Variants in DNAH12 observed in about 807,000 individuals in gnomAD.
The protein encoded by DNAH12 is axonemal beta dynein heavy chain 12.
DNAH12 carries 285 observed loss-of-function variants against 371.5 expected under a neutral mutation model. That is an observed-to-expected ratio of 0.77 (90% CI 0.70 to 0.85). DNAH12 has a LOEUF of 0.85. Ranked by LOEUF, DNAH12 falls within the 40% of genes least tolerant of loss-of-function variation. The pLI, the probability that DNAH12 is intolerant of heterozygous loss-of-function variation, is 0.00. For missense variants in DNAH12, 3,611 were observed against 3,689.4 expected (o/e 0.98, Z 0.55); for synonymous variants, 1,200 against 1,213.0 (o/e 0.99, Z 0.22).
At position 57,483,486 on chromosome 3, in the gene DNAH12, T is replaced by C; in HGVS notation, c.1540A>G (p.Lys514Glu). 1.3e-6 allele frequency: 2 copies of C among 1,550,842 alleles called. No homozygotes were observed. Among genetic ancestry groups the C allele is most frequent in the South Asian group, 1.2e-5 (1 of 83,874 alleles). ...ECICSEFEAIKEHALKVPETT... is the reference protein window; with the variant it reads ...ECICSEFEAIEEHALKVPETT... ...TCAGGGACTTTTAATGCATGTTCTTTAATTGCTTCAAATTCACTGCAAATA... is the reference window on the plus strand; with the variant it reads ...TCAGGGACTTTTAATGCATGTTCTTCAATTGCTTCAAATTCACTGCAAATA... Residue 514 changes from lysine to glutamate, a missense_variant, in exon 13 of 74, where the codon AAA (lysine) becomes GAA (glutamate). This residue lies in a region of DNAH12 where 1,314 missense variants were observed against 1,398.7 expected (regional missense o/e 0.94). Coordinates refer to ENST00000495027, the MANE Select transcript of DNAH12 (RefSeq NM_001366028.2).
intron 17 of DNAH12, among the ~76,000 whole-genome samples, chr3:57,467,371 C>T (rs1360771156): frequency 1.3e-5 from 2 of 152,212 alleles, no homozygotes; most frequent in African/African-American, 4.8e-5. Context: ...ATCTGCCTGC[C>T]TCAGCCTCCC....
At chr3:57,534,986 T>A (rs566403013) in intron 2 of DNAH12, among the ~76,000 whole-genome samples, 9 of 152,372 alleles carry the variant, frequency 5.9e-5, no homozygotes, top group African/African-American at 1.9e-4. Flanking sequence ...GTTTTAGGCA[T>A]AGGCTTAAGA....
intron 73 of DNAH12, among the ~76,000 whole-genome samples, chr3:57,294,508 G>A (rs1223324893): frequency 6.6e-6 from 1 of 152,138 alleles, no homozygotes; most frequent in Non-Finnish European, 1.5e-5. Flanking sequence ...CATGATTCTA[G>A]GTGTGGAAGA....
chr3:57,397,992 A>G (rs1484119796), intron 43 of DNAH12, among the ~76,000 whole-genome samples: 2 of 152,226 alleles, frequency 1.3e-5, no homozygotes, highest in Non-Finnish European at 2.9e-5. Flanking sequence ...CTAGCAAAAA[A>G]TTTAAAATAA....
rs1231786154 is a variant in DNAH12 at position 57,394,243 on chromosome 3, A to G, written c.7038T>C (p.Asp2346=). 2.6e-5 allele frequency: 4 copies of G among 152,340 alleles called. No homozygotes were observed. The highest frequency in any genetic ancestry group is 9.6e-5 in the African/African-American group (4 of 41,570). The allele number at this position is 152,340 out of a possible 1,614,324, so 9.4% of individuals were successfully genotyped here. ...TQIKEEAFLE[D]IDSVLNTGEV... ...CTCCTGTATTGAGCACACTGTCGATATCCTCTAGGAAAGCTTCCTCTTTAA... is the reference window on the plus strand; with the variant it reads ...CTCCTGTATTGAGCACACTGTCGATGTCCTCTAGGAAAGCTTCCTCTTTAA... Residue 2346 remains aspartate (D), a synonymous_variant, in exon 44 of 74, where the codon GAT becomes GAC. Coordinates refer to ENST00000495027, the MANE Select transcript of DNAH12 (RefSeq NM_001366028.2).
In DNAH12 at chr3:57,345,796, G is replaced by T. The variant is rs1429823530; in HGVS notation, c.9674+6289C>A. Reference sequence around the variant, plus strand: ...GTAACAGATTTGTACATATTTTATGGTAGTAAATGATAAAAATAGACTAGT... The same window carrying T: ...GTAACAGATTTGTACATATTTTATGTTAGTAAATGATAAAAATAGACTAGT... On this transcript the variant is annotated intron_variant, in intron 60 of 73. Coordinates refer to ENST00000495027, the MANE Select transcript of DNAH12 (RefSeq NM_001366028.2). 2.0e-5 allele frequency among the ~76,000 whole-genome samples: 3 copies of T among 152,054 alleles called. No individual in the cohort carries two copies. The East Asian group carries it at 5.8e-4, about 29-fold the overall frequency.
intron 69 of DNAH12, among the ~76,000 whole-genome samples, chr3:57,304,728 G>A (rs537799297): frequency 6.6e-6 from 1 of 152,026 alleles, no homozygotes; most frequent in Non-Finnish European, 1.5e-5. Context: ...AGCAAGTACC[G>A]CTTTTCTGGA....
At chr3:57,444,843 T>A (rs1396892213) in intron 28 of DNAH12, 27 bp from the exon 29 acceptor site, 7 of 1,530,850 alleles carry the variant, frequency 4.6e-6, no homozygotes, top group Non-Finnish European at 6.2e-6. Context: ...AGTACAATGT[T>A]AAGTTAGTTG....
Position 57,435,871 on chromosome 3 carries a change from T to TTG in DNAH12, c.4655+1078_4655+1079dup, listed in dbSNP as rs1328573247. ...GTTGATTGTACTATTCCCTCTATTTTTGTATGTTTAAAAATTTACATAATG... is the reference window on the plus strand; with the variant it reads ...GTTGATTGTACTATTCCCTCTATTTTTGTGTATGTTTAAAAATTTACATAATG... On this transcript the variant is annotated intron_variant, in intron 30 of 73. Coordinates refer to ENST00000495027, the MANE Select transcript of DNAH12 (RefSeq NM_001366028.2). Among the ~76,000 whole-genome samples, 2 of 81,074 alleles carry TTG rather than the reference T, an allele frequency of 2.5e-5. 1 individual carries two copies. Among genetic ancestry groups the TTG allele is most frequent in the Non-Finnish European group, 5.4e-5 (2 of 37,340 alleles). 53.2% of individuals were successfully genotyped at this position (81,074 alleles called of 152,430 possible).
rs528843426 is a variant in DNAH12, at chr3:57,502,206, C to T, written c.1243+117G>A. On this transcript the variant is annotated intron_variant, in intron 10 of 73. Coordinates refer to ENST00000495027, the MANE Select transcript of DNAH12 (RefSeq NM_001366028.2). ...GACTCTGCCAAAAGCTACGCCTATG[C>T]TCACTTCTGGCTCTCCCTGTTCTTT... 29 of 1,373,628 alleles carry T rather than the reference C, an allele frequency of 2.1e-5. No homozygotes were observed. The South Asian group carries it at 3.2e-4, about 15-fold the overall frequency. 85.1% of individuals were successfully genotyped at this position (1,373,628 alleles called of 1,614,324 possible).
intron 42 of DNAH12, among the ~76,000 whole-genome samples, chr3:57,403,979 A>C (rs2063948476): frequency 6.6e-6 from 1 of 152,204 alleles, no homozygotes; most frequent in Admixed American, 6.5e-5. Context: ...GCCAGTCCTA[A>C]GCATCAGCAA....
chr3:57,318,811 T>C (rs562933373), intron 65 of DNAH12, among the ~76,000 whole-genome samples: 1 of 152,054 alleles, frequency 6.6e-6, no homozygotes, highest in Non-Finnish European at 1.5e-5. Flanking sequence ...GGAAGTAGCC[T>C]GATTTCAGAG....
intron 43 of DNAH12, among the ~76,000 whole-genome samples, chr3:57,398,093 G>T (rs1183295078): frequency 6.6e-6 from 1 of 152,048 alleles, no homozygotes; most frequent in Non-Finnish European, 1.5e-5. Flanking sequence ...CAAAGATATA[G>T]AAACTATAAA....
rs1388536966 is a variant in DNAH12 at position 57,392,981 on chromosome 3, A to C, written c.7111-915T>G. 2.0e-5 allele frequency among the ~76,000 whole-genome samples: 3 copies of C among 152,134 alleles called. 1 individual carries two copies. In the East Asian group the frequency reaches 5.8e-4, roughly 29 times the overall value. On this transcript the variant is annotated intron_variant, in intron 44 of 73. Transcript: ENST00000495027. ...GACATATCCCAGATAAAAGCAAAGA[A>C]CATGGGTTTTTGTTGTTGTTGTTGT...
intron 40 of DNAH12, among the ~76,000 whole-genome samples, chr3:57,406,294 T>C (rs111837206): frequency 0.091 from 13,193 of 145,516 alleles, 1,949 homozygotes; most frequent in African/African-American, 0.31. Context: ...GAGGTAGACA[T>C]TGCAAAGAGC....
chr3:57,525,221 A>T (rs753533231), intron 2 of DNAH12, among the ~76,000 whole-genome samples: 20 of 151,946 alleles, frequency 1.3e-4, no homozygotes, highest in Non-Finnish European at 2.1e-4. Flanking sequence ...AAAACCAAAG[A>T]CTGGTAAGTA....
chr3:57,408,201 T>C (rs894033741), intron 40 of DNAH12, 79 bp downstream of exon 40: 5 of 1,401,282 alleles, frequency 3.6e-6, no homozygotes, highest in East Asian at 2.6e-5. Context: ...CCAAAGCAGA[T>C]AGCATCAAAA....
chr3:57,498,929 G>A (rs1473680135), intron 11 of DNAH12, among the ~76,000 whole-genome samples: 1 of 152,028 alleles, frequency 6.6e-6, no homozygotes, highest in Non-Finnish European at 1.5e-5. Context: ...AACCTGGGAG[G>A]CGGAGGTTGC....
intron 41 of DNAH12, 73 bp from the exon 42 acceptor site, chr3:57,405,220 T>C: frequency 7.4e-7 from 1 of 1,348,784 alleles, no homozygotes; most frequent in Non-Finnish European, 9.9e-7. Context: ...AAAATTTTTG[T>C]TTCATCCATG....
Sources: gnomAD v4.1 joint callset for allele counts (sites outside exome capture counted in the v4.1 genomes callset) on GRCh38, gnomAD v4.1.1 for gene constraint, gnomAD v4.1.1 regional missense constraint, MANE v1.5 for transcripts, NCBI Gene and HGNC (gene_info 2026-07-23, HGNC 2026-07-21) for gene names.